The following FAM20C variants were observed in gnomAD, a reference collection of about 807,000 sequenced individuals.
FAM20C encodes the protein extracellular serine/threonine protein kinase FAM20C.
Under a neutral mutation model 51.5 loss-of-function variants are expected in FAM20C, and 40 were observed. That is an observed-to-expected ratio of 0.78 (90% confidence interval 0.60 to 1.01). The LOEUF (loss-of-function observed/expected upper bound fraction) is 1.01, where lower values mean the gene tolerates loss of function less well. FAM20C is among the 50% of genes least tolerant of loss of function. The probability of loss-of-function intolerance (pLI) is 0.00; values close to 1 mark genes in which losing one functional copy is unlikely to be tolerated. For synonymous variants in FAM20C, 406 were observed against 380.6 expected (o/e 1.07, Z -0.78); for missense variants, 861 against 844.7 (o/e 1.02, Z -0.24).
Position 223,292 on chromosome 7 carries a change from C to T in FAM20C, c.863+14316C>T, listed in dbSNP as rs528768116. On this transcript the variant is annotated intron_variant, in intron 3 of 9. Coordinates refer to ENST00000313766, the MANE Select transcript of FAM20C (RefSeq NM_020223.4). ...GATTTCCGTGTTGTCAGATCGTCCG[C>T]TGGGCTGCAGGCTCCACGGCGGGTG... 3.4e-4 allele frequency among the ~76,000 whole-genome samples: 52 copies of T among 152,324 alleles called. 1 individual carries two copies. The highest frequency in any genetic ancestry group is 1.2e-3 in the African/African-American group (49 of 41,552).
intron 8 of FAM20C, among the ~76,000 whole-genome samples, 192 bp from the exon 9 acceptor site, chr7:258,453 AT>A (rs1562402143): frequency 2.3e-4 from 4 of 17,628 alleles, no homozygotes; most frequent in African/African-American, 7.8e-4. Flanking sequence ...GATGGGTGGG[AT>A]GGACCCACTG....
In FAM20C at chr7:193,185, C is replaced by T. The variant is rs761786167; in HGVS notation, c.-15C>T. ...GGGCAGAACGCGCTCCAGGCCCGGG[C>T]CGGCCCGCGCGGCCATGAAGATGAT... On this transcript the variant is annotated 5_prime_UTR_variant, in exon 1 of 10. Transcript: ENST00000313766. 2.2e-5 allele frequency: 32 copies of T among 1,449,920 alleles called. No individual in the cohort carries two copies. Among genetic ancestry groups the T allele is most frequent in the Non-Finnish European group, 2.9e-5 (32 of 1,095,384 alleles). The allele number at this position is 1,449,920 out of a possible 1,614,324, so 89.8% of individuals were successfully genotyped here.
At chr7:220,684 C>G (rs1430800570) in intron 3 of FAM20C, among the ~76,000 whole-genome samples, 3 of 152,182 alleles carry the variant, frequency 2.0e-5, no homozygotes, top group African/African-American at 7.2e-5. Flanking sequence ...CTGCAAGGGC[C>G]TGTGCTGGCC....
At chr7:210,202 C>T (rs949191248) in intron 3 of FAM20C, among the ~76,000 whole-genome samples, 22 of 151,922 alleles carry the variant, frequency 1.4e-4, no homozygotes, top group East Asian at 1.9e-4. Flanking sequence ...GCTGCCCCCA[C>T]GGGTCTCACG....
At chr7:237,493 G>A (rs1787881139) in intron 3 of FAM20C, among the ~76,000 whole-genome samples, 1 of 152,192 alleles carries the variant, frequency 6.6e-6, no homozygotes, top group South Asian at 2.1e-4. Flanking sequence ...TGGTGATGAT[G>A]GAGATAATGG....
At chr7:223,865 C>T (rs558190677) in intron 3 of FAM20C, among the ~76,000 whole-genome samples, 52 of 152,332 alleles carry the variant, frequency 3.4e-4, no homozygotes, top group Admixed American at 2.5e-3. Flanking sequence ...ATGGGGTCCC[C>T]TGCCCCAGGC....
rs75035538 is a variant in FAM20C at position 213,501 on chromosome 7, G to A, written c.863+4525G>A. Among the ~76,000 whole-genome samples the A allele has an allele frequency of 3.4e-3, 524 of 152,354 alleles. 2 individuals are homozygous for A. Among genetic ancestry groups the A allele is most frequent in the Non-Finnish European group, 6.2e-3 (423 of 68,046 alleles). ...CCAACGCTCATCGGTGCTGCAGCAC[G>A]CATAGGTGCCTCCCTGTTTTTCATG... On this transcript the variant is annotated intron_variant, in intron 3 of 9. Coordinates refer to ENST00000313766, the MANE Select transcript of FAM20C (RefSeq NM_020223.4).
chr7:249,516 G>T (rs1327944702), intron 5 of FAM20C, among the ~76,000 whole-genome samples: 2 of 152,246 alleles, frequency 1.3e-5, no homozygotes, highest in Non-Finnish European at 2.9e-5. Flanking sequence ...CAAGGTGGGA[G>T]GATCACTTGA....
intron 3 of FAM20C, among the ~76,000 whole-genome samples, chr7:240,742 C>A (rs992478401): frequency 6.6e-6 from 1 of 152,320 alleles, no homozygotes; most frequent in African/African-American, 2.4e-5. Context: ...GGGCCCTCTC[C>A]CCTTGAGTCC....
chr7:244,501 C>T (rs1212663237), intron 3 of FAM20C, among the ~76,000 whole-genome samples: 1 of 152,212 alleles, frequency 6.6e-6, no homozygotes, highest in Non-Finnish European at 1.5e-5. Context: ...TCCACAAGGT[C>T]TAGATTCTTT....
intron 3 of FAM20C, among the ~76,000 whole-genome samples, chr7:237,845 T>TGATGGTGGTGGAG (rs1583323562): frequency 0.074 from 56 of 758 alleles, 1 homozygote; most frequent in Admixed American, 0.097. Context: ...ATAGTGATGA[T>TGATGGTGGTGGAG]GNNNNNNNNN....
chr7:230,995 C>T (rs1275195325), intron 3 of FAM20C, among the ~76,000 whole-genome samples: 1 of 152,112 alleles, frequency 6.6e-6, no homozygotes, highest in African/African-American at 2.4e-5. Context: ...GGAGTTTCGC[C>T]TGAGCCCAGG....
rs1018882569 is a variant in FAM20C at position 241,312 on chromosome 7, C to T, written c.864-5103C>T. On this transcript the variant is annotated intron_variant, in intron 3 of 9. Coordinates refer to ENST00000313766, the MANE Select transcript of FAM20C (RefSeq NM_020223.4). ...AGCAGAACACAGGGTCAGATGGGAG[C>T]CGCCAGATGGGATGTGCTTTAATGA... 1.6e-4 allele frequency among the ~76,000 whole-genome samples: 25 copies of T among 152,308 alleles called. No individual in the cohort carries two copies. In the South Asian group the frequency reaches 4.1e-3, roughly 25 times the overall value.
At chr7:246,815 C>T (rs1405515097) in intron 4 of FAM20C, among the ~76,000 whole-genome samples, 1 of 152,148 alleles carries the variant, frequency 6.6e-6, no homozygotes, top group Non-Finnish European at 1.5e-5. Flanking sequence ...TTCATATCCC[C>T]CTTTACAGAT....
intron 3 of FAM20C, among the ~76,000 whole-genome samples, chr7:226,510 G>A (rs1038336142): frequency 2.6e-5 from 4 of 152,202 alleles, no homozygotes; most frequent in African/African-American, 9.6e-5. Context: ...GCAGCCACAC[G>A]GCCGCCCGGC....
intron 8 of FAM20C, among the ~76,000 whole-genome samples, chr7:257,624 G>A (rs1431096039): frequency 1.3e-5 from 2 of 152,212 alleles, no homozygotes; most frequent in Non-Finnish European, 2.9e-5. Flanking sequence ...CACTTCAATA[G>A]CTAAACTGTG....
At chr7:255,717 T>TG (rs36173688) in intron 5 of FAM20C, 132 bp from the exon 6 acceptor site, 545,721 of 913,066 alleles carry the variant, frequency 0.6, 166,826 homozygotes, top group African/African-American at 0.71. Flanking sequence ...CTGGGATTGA[T>TG]GGGGAACTGT....
intron 2 of FAM20C, among the ~76,000 whole-genome samples, chr7:200,885 T>G (rs75579349): frequency 0.13 from 19,679 of 152,018 alleles, 1,726 homozygotes; most frequent in East Asian, 0.29. Flanking sequence ...TCGCAGTAGG[T>G]TCCCACAGTT....
At chr7:232,213 G>A (rs887620348) in intron 3 of FAM20C, among the ~76,000 whole-genome samples, 2 of 152,196 alleles carry the variant, frequency 1.3e-5, no homozygotes, top group Admixed American at 6.5e-5. Context: ...GAAAAACCTC[G>A]GGGGACACCC....
Sources: gnomAD v4.1 joint callset for allele counts (sites outside exome capture counted in the v4.1 genomes callset) on GRCh38, gnomAD v4.1.1 for gene constraint, MANE v1.5 for transcripts, NCBI Gene and HGNC (gene_info 2026-07-23, HGNC 2026-07-21) for gene names.